The following ARSB variants were observed in gnomAD, a reference collection of about 807,000 sequenced individuals.
ARSB encodes the protein arylsulfatase B.
ARSB carries 41 observed loss-of-function variants against 50.9 expected under a neutral mutation model. That is an observed-to-expected ratio of 0.81 (90% CI 0.63 to 1.04). The LOEUF is 1.04. Ranked by LOEUF, ARSB falls within the 50% of genes least tolerant of loss-of-function variation. The pLI is 0.00. For missense variants in ARSB, 672 were observed against 693.3 expected (o/e 0.97, Z 0.35); for synonymous variants, 269 against 284.8 (o/e 0.94, Z 0.56).
At chr5:78,985,339 GCC>G (rs1753140906), upstream of ARSB, 1 of 1,169,524 alleles carries the variant, frequency 8.6e-7, no homozygotes, top group Non-Finnish European at 1.1e-6. Flanking sequence ...GGCCTGCTCC[GCC>G]CCGGCGCGGG....
intron 5 of ARSB, among the ~76,000 whole-genome samples, chr5:78,854,829 A>C (rs1430782588): frequency 6.6e-6 from 1 of 152,088 alleles, no homozygotes; most frequent in Non-Finnish European, 1.5e-5. Flanking sequence ...TCATTTCTGA[A>C]GGGTAGATTT....
chr5:78,941,231 C>T (rs1045637576), intron 4 of ARSB, among the ~76,000 whole-genome samples: 1 of 151,310 alleles, frequency 6.6e-6, no homozygotes, highest in Non-Finnish European at 1.5e-5. Flanking sequence ...CATCTGCAAA[C>T]AGGGACAATT....
intron 6 of ARSB, among the ~76,000 whole-genome samples, chr5:78,786,171 GC>G (rs1749076225): frequency 6.6e-6 from 1 of 152,094 alleles, no homozygotes; most frequent in South Asian, 2.1e-4. Context: ...ACACCCTCCA[GC>G]CCTAGGCAAC....
At chr5:78,935,408 T>C (rs74947828) in intron 4 of ARSB, among the ~76,000 whole-genome samples, 2,657 of 152,258 alleles carry the variant, frequency 0.017, 83 homozygotes, top group African/African-American at 0.061. Flanking sequence ...TAACAGACTA[T>C]TGAATTAGGA....
intron 5 of ARSB, among the ~76,000 whole-genome samples, chr5:78,841,171 A>ACTACTACTACTACTACTAC (rs1554074366): frequency 2.3e-4 from 14 of 62,014 alleles, no homozygotes; most frequent in South Asian, 1.2e-3. Context: ...ACTACTACTA[A>ACTACTACTACTACTACTAC]TAATAATAAT....
At chr5:78,799,479 G>A (rs994996691) in intron 6 of ARSB, among the ~76,000 whole-genome samples, 1 of 152,182 alleles carries the variant, frequency 6.6e-6, no homozygotes, top group Admixed American at 6.5e-5. Flanking sequence ...GCCGAGTCTG[G>A]AGAGAGACTC....
intron 5 of ARSB, among the ~76,000 whole-genome samples, chr5:78,843,440 C>T (rs1450361326): frequency 1.3e-5 from 2 of 152,166 alleles, no homozygotes; most frequent in Non-Finnish European, 2.9e-5. Flanking sequence ...ACAATACAAT[C>T]ACCTGAAGAA....
intron 4 of ARSB, among the ~76,000 whole-genome samples, chr5:78,935,321 T>C (rs1429070998): frequency 6.6e-6 from 1 of 152,066 alleles, no homozygotes; most frequent in East Asian, 1.9e-4. Context: ...AAATGAAAAA[T>C]GTGTCATAAT....
intron 1 of ARSB, among the ~76,000 whole-genome samples, chr5:78,984,278 C>T (rs1753043913): frequency 6.6e-6 from 1 of 152,202 alleles, no homozygotes; most frequent in Non-Finnish European, 1.5e-5. Flanking sequence ...CATCTATGCA[C>T]GCTCTACATT....
At chr5:78,788,592 ATTTATTTT>A (rs929893993) in intron 6 of ARSB, among the ~76,000 whole-genome samples, 43 of 152,096 alleles carry the variant, frequency 2.8e-4, no homozygotes, top group African/African-American at 9.2e-4. Flanking sequence ...CATTTTTTTA[ATTTATTTT>A]TTTATTTTTT....
intron 5 of ARSB, among the ~76,000 whole-genome samples, chr5:78,858,671 TG>T (rs2112087564): frequency 6.6e-6 from 1 of 152,262 alleles, no homozygotes; most frequent in Admixed American, 6.5e-5. Flanking sequence ...GAAATAGCAA[TG>T]ACAATACTTT....
chr5:78,895,334 G>T (rs1748518587), intron 4 of ARSB, among the ~76,000 whole-genome samples: 1 of 152,164 alleles, frequency 6.6e-6, no homozygotes, highest in African/African-American at 2.4e-5. Context: ...AACATTAAAT[G>T]ATCCACACTG....
intron 5 of ARSB, among the ~76,000 whole-genome samples, chr5:78,879,283 A>G (rs968839782): frequency 6.6e-6 from 1 of 152,240 alleles, no homozygotes; most frequent in African/African-American, 2.4e-5. Flanking sequence ...TAGGCTGATT[A>G]TTGAGCTGAA....
At chr5:78,925,574 AAGC>A (rs35365107) in intron 4 of ARSB, among the ~76,000 whole-genome samples, 40,869 of 151,948 alleles carry the variant, frequency 0.27, 6,023 homozygotes, top group Non-Finnish European at 0.33. Flanking sequence ...CTGTATTACT[AAGC>A]AAAGCACAGG....
intron 6 of ARSB, among the ~76,000 whole-genome samples, chr5:78,835,186 A>C (rs1355013968): frequency 6.6e-6 from 1 of 152,054 alleles, no homozygotes; most frequent in African/African-American, 2.4e-5. Context: ...CCGATCTTTG[A>C]GTATTTTTAC....
rs116250780 is a variant in ARSB at position 78,979,618 on chromosome 5, T to C, written c.312+5319A>G. Among the ~76,000 whole-genome samples the C allele has an allele frequency of 3.0e-3, 464 of 152,328 alleles. 6 individuals carry two copies. Among genetic ancestry groups the C allele is most frequent in the African/African-American group, 0.01 (431 of 41,566 alleles). On this transcript the variant is annotated intron_variant, in intron 1 of 7. Coordinates refer to ENST00000264914, the MANE Select transcript of ARSB (RefSeq NM_000046.5). ...GAGGGAAGCACTGTAGCAGGGACTC[T>C]GACCTTTCAGTGGGTCCCTGTTTCC...
intron 4 of ARSB, among the ~76,000 whole-genome samples, chr5:78,905,937 A>G (rs1377184831): frequency 6.8e-6 from 1 of 147,354 alleles, no homozygotes; most frequent in African/African-American, 2.5e-5. Context: ...AAAAAAAAAA[A>G]GAGGAAAATA....
intron 3 of ARSB, among the ~76,000 whole-genome samples, chr5:78,959,405 T>A (rs1428164200): frequency 3.3e-5 from 5 of 151,814 alleles, no homozygotes; most frequent in Non-Finnish European, 5.9e-5. Flanking sequence ...GGCAGTTCTT[T>A]ATAACAGCGT....
intron 5 of ARSB, among the ~76,000 whole-genome samples, chr5:78,876,633 C>T (rs1747495358): frequency 6.6e-6 from 1 of 152,264 alleles, no homozygotes; most frequent in South Asian, 2.1e-4. Flanking sequence ...GAGCTGAGTC[C>T]AGAGACCAAG....
Sources: allele counts gnomAD v4.1 joint callset (sites outside exome capture counted in the v4.1 genomes callset), GRCh38; gene constraint gnomAD v4.1.1; transcripts MANE v1.5; gene names NCBI Gene and HGNC (gene_info 2026-07-23, HGNC 2026-07-21).